The following IQSEC1 variants were observed in gnomAD, a reference collection of about 807,000 sequenced individuals.
The protein encoded by IQSEC1 is IQ motif and SEC7 domain-containing protein 1.
In IQSEC1, 31 loss-of-function variants were observed where a neutral mutation model predicts 91.0. That is an observed-to-expected ratio of 0.34 (90% CI 0.26 to 0.46). The LOEUF (loss-of-function observed/expected upper bound fraction) is 0.46. Among genes scored for constraint, IQSEC1 ranks in the 20% least tolerant of loss-of-function variants. The probability of loss-of-function intolerance (pLI) is 1.00; values close to 1 mark genes in which losing one functional copy is unlikely to be tolerated. For synonymous variants in IQSEC1, 699 were observed against 662.6 expected, an observed-to-expected ratio of 1.05 and a Z score of -0.84; for missense variants, 1,388 against 1,575.6, an observed-to-expected ratio of 0.88 and a Z score of 2.02.
At chr3:12,954,287 G>T (rs930691874) in intron 1 of IQSEC1, among the ~76,000 whole-genome samples, 7 of 152,240 alleles carry the variant, frequency 4.6e-5, no homozygotes, top group African/African-American at 1.7e-4. Context: ...CAGGTTCCAG[G>T]AGACAGGCTG....
At chr3:13,267,860 A>G (rs1260951542) in intron 1 of IQSEC1, among the ~76,000 whole-genome samples, 6 of 151,464 alleles carry the variant, frequency 4.0e-5, no homozygotes, top group African/African-American at 1.5e-4. Flanking sequence ...CTCGTGATCC[A>G]CCCGCCTCGG....
chr3:13,111,806 A>G (rs866649169), intron 2 of IQSEC1, among the ~76,000 whole-genome samples: 3 of 152,136 alleles, frequency 2.0e-5, no homozygotes, highest in Admixed American at 6.5e-5. Flanking sequence ...CTCGCCAGGA[A>G]CCCAATCCAC....
intron 1 of IQSEC1, among the ~76,000 whole-genome samples, chr3:13,272,181 C>T (rs146324743): frequency 1.2e-4 from 19 of 152,330 alleles, no homozygotes; most frequent in African/African-American, 3.6e-4. Flanking sequence ...CTTGCTCATA[C>T]CACAACCTTC....
At chr3:12,990,832 A>T (rs1701953687) in intron 1 of IQSEC1, among the ~76,000 whole-genome samples, 1 of 152,210 alleles carries the variant, frequency 6.6e-6, no homozygotes, top group Non-Finnish European at 1.5e-5. Flanking sequence ...CAAGGGAATG[A>T]TAGGTTTGTG....
chr3:13,123,135 TA>T (rs1389189879), intron 2 of IQSEC1, among the ~76,000 whole-genome samples: 1 of 152,226 alleles, frequency 6.6e-6, no homozygotes, highest in East Asian at 1.9e-4. Context: ...ATGATTAAGA[TA>T]AAATCCAGCC....
In IQSEC1 at chr3:12,908,562, C is replaced by T; in HGVS notation, c.2579-37G>A. On this transcript the variant is annotated intron_variant, in intron 11 of 13. Coordinates refer to ENST00000613206, the MANE Select transcript of IQSEC1 (RefSeq NM_001134382.3). The surrounding 1 kb of genome is among the most constrained non-coding windows in gnomAD (Gnocchi z 4.9). The stretch of plus-strand genomic sequence containing the variant: ...AGGGTGAGGGTCCTGGTGAGAGGAG[C>T]ACAGCCTAGAGTGGGCAGGAGACGG... The T allele has an allele frequency of 6.2e-7, 1 of 1,611,296 alleles. No homozygotes were observed. The highest frequency in any genetic ancestry group is 8.5e-7 in the Non-Finnish European group (1 of 1,178,688).
rs529348731 is a variant in IQSEC1, at chr3:12,900,023, C to T, written c.*960G>A. ...GCAGCCATTAAAGTGTCTAAGAATC[C>T]GTGTAACCAATGTCCTAAGACAACC... On this transcript the variant is annotated 3_prime_UTR_variant, in exon 14 of 14. Transcript: ENST00000613206. 22 of 985,296 alleles carry T rather than the reference C, an allele frequency of 2.2e-5. No homozygotes were observed. Among genetic ancestry groups the T allele is most frequent in the East Asian group, 1.1e-4 (1 of 8,808 alleles). 61.0% of individuals were successfully genotyped at this position (985,296 alleles called of 1,614,324 possible).
intron 1 of IQSEC1, among the ~76,000 whole-genome samples, chr3:13,245,452 C>T (rs1486674855): frequency 7.9e-5 from 12 of 152,232 alleles, no homozygotes; most frequent in East Asian, 1.9e-4. Context: ...ATGGGAGACG[C>T]TGAACAGTCA....
chr3:12,946,903 C>T (rs1254181864), intron 1 of IQSEC1, among the ~76,000 whole-genome samples: 2 of 152,202 alleles, frequency 1.3e-5, no homozygotes, highest in Admixed American at 1.3e-4. Context: ...CATGCCCTAC[C>T]CACTCCTCCC....
At chr3:12,995,183 G>A (rs970883072) in intron 1 of IQSEC1, 3 of 152,254 alleles carry the variant, frequency 2.0e-5, no homozygotes, top group Admixed American at 6.5e-5. Context: ...GGAGGGACGG[G>A]GCCGCCAGGG....
At chr3:13,026,102 G>A (rs373270864) in intron 1 of IQSEC1, among the ~76,000 whole-genome samples, 1 of 152,262 alleles carries the variant, frequency 6.6e-6, no homozygotes, top group East Asian at 1.9e-4. Flanking sequence ...AGGAGGTCAG[G>A]AGGTGGAGGA....
chr3:13,029,671 T>C (rs4684898), intron 1 of IQSEC1, among the ~76,000 whole-genome samples: 64,650 of 152,184 alleles, frequency 0.42, 14,887 homozygotes, highest in African/African-American at 0.61. Context: ...ACCCTCCCCT[T>C]GTGCGTGAGC....
intron 2 of IQSEC1, among the ~76,000 whole-genome samples, chr3:13,090,303 C>T (rs3930429): frequency 1.3e-5 from 2 of 151,950 alleles, no homozygotes; most frequent in East Asian, 1.9e-4. Flanking sequence ...ACTGTTAGCA[C>T]GCTAGCTTCA....
chr3:12,910,291 GGCT>G (rs1375902196), intron 10 of IQSEC1, among the ~76,000 whole-genome samples: 1 of 152,228 alleles, frequency 6.6e-6, no homozygotes, highest in African/African-American at 2.4e-5. Context: ...CTGCAGGCTT[GGCT>G]CTTGCCAGCA....
chr3:13,112,063 C>A, intron 2 of IQSEC1, among the ~76,000 whole-genome samples: 1 of 152,342 alleles, frequency 6.6e-6, no homozygotes, highest in East Asian at 1.9e-4. Flanking sequence ...ACACGCTGTT[C>A]CCCTGGTGGG....
Position 13,133,404 on chromosome 3 carries a change from G to T in IQSEC1, c.302+30700C>A, listed in dbSNP as rs182897634. On this transcript the variant is annotated intron_variant, in intron 2 of 15. Coordinates refer to the IQSEC1 transcript ENST00000648114. ...TTCCATCACCATGCTCTGGGAATAA[G>T]AATCCAGCCTGGATAATTCATAAAC... Among the ~76,000 whole-genome samples, 10 of 152,352 alleles carry T rather than the reference G, an allele frequency of 6.6e-5. No homozygotes were observed. The East Asian group carries it at 1.7e-3, about 26-fold the overall frequency.
rs1227890704 is a variant in IQSEC1 at position 12,994,478 on chromosome 3, G to C, written c.24-52613C>G. On this transcript the variant is annotated intron_variant, in intron 1 of 13. Transcript: ENST00000613206. This position sits in a 1 kb window ranked among gnomAD's most constrained non-coding sequence, Gnocchi z 4.5. ...GGGTCAGGAGAGCGGGGTACGCGGG[G>C]TCCAGGCGCGGAACCGGGGGCACTG... Among the ~76,000 whole-genome samples, 5 of 152,184 alleles carry C rather than the reference G, an allele frequency of 3.3e-5. No individual in the cohort carries two copies. The highest frequency in any genetic ancestry group is 1.2e-4 in the African/African-American group (5 of 41,534).
chr3:13,175,611 T>C (rs1394024792), intron 1 of IQSEC1, among the ~76,000 whole-genome samples: 1 of 152,264 alleles, frequency 6.6e-6, no homozygotes, highest in Non-Finnish European at 1.5e-5. Flanking sequence ...ATTTGCTTCT[T>C]GTCTCAATCC....
At chr3:12,920,371 C>A (rs773559850) in intron 6 of IQSEC1, 59 bp downstream of exon 6, 1 of 1,574,986 alleles carries the variant, frequency 6.3e-7, no homozygotes, top group Non-Finnish European at 8.7e-7. Context: ...TGGGGAGGGC[C>A]TGGCTGGGGC....
Sources: allele counts gnomAD v4.1 joint callset (sites outside exome capture counted in the v4.1 genomes callset), GRCh38; gene constraint gnomAD v4.1.1; non-coding constraint Gnocchi (gnomAD v3.1); transcripts MANE v1.5; gene names NCBI Gene and HGNC (gene_info 2026-07-23, HGNC 2026-07-21).